The following DNAH5 variants were observed in gnomAD, a reference collection of about 807,000 sequenced individuals.
DNAH5 encodes the protein dynein axonemal heavy chain 5.
In DNAH5, 372 loss-of-function variants were observed where a neutral mutation model predicts 518.2. The observed-to-expected ratio is 0.72, with a 90% CI of 0.66 to 0.78. The LOEUF is 0.78. DNAH5 is among the 30% of genes least tolerant of loss of function. The probability of loss-of-function intolerance (pLI) is 0.00; values close to 1 mark genes in which losing one functional copy is unlikely to be tolerated. For synonymous variants in DNAH5, 2,039 were observed against 2,025.9 expected (o/e 1.01, Z -0.17); for missense variants, 5,523 against 5,687.0 (o/e 0.97, Z 0.93).
At chr5:13,748,388 T>C (rs2126676911) in intron 65 of DNAH5, among the ~76,000 whole-genome samples, 1 of 152,306 alleles carries the variant, frequency 6.6e-6, no homozygotes, top group Admixed American at 6.5e-5. Flanking sequence ...ATATGAACTT[T>C]AAAGTAGTTT....
rs755874851 is a variant in DNAH5 at position 13,735,306 on chromosome 5, C to A, written c.11586G>T (p.Pro3862=). 6.2e-7 allele frequency: 1 copy of A among 1,613,990 alleles called. No homozygotes were observed. The change falls in exon 68 of 79, where the codon CCG becomes CCT. Residue 3862 remains proline (P), a synonymous_variant. Transcript: ENST00000265104. ...DLSLARSVKS[P]ITSKRIANII... is the part of the protein sequence containing the mutation. The stretch of plus-strand genomic sequence containing the variant: ...TATTAGCAATCCTCTTGCTTGTAAT[C>A]GGGCTCTTGACAGACCTGGTGAATA...
At chr5:13,932,073 G>A (rs1440002061) in intron 1 of DNAH5, 4 of 152,292 alleles carry the variant, frequency 2.6e-5, no homozygotes, top group African/African-American at 9.6e-5. Flanking sequence ...CCACTGGGAA[G>A]AGGAAAAGTG....
chr5:13,792,994 C>T (rs1005260299), intron 49 of DNAH5, among the ~76,000 whole-genome samples: 3 of 152,298 alleles, frequency 2.0e-5, no homozygotes, highest in Admixed American at 6.5e-5. Context: ...AGTGATTGTT[C>T]GACTAAATTA....
chr5:13,964,280 C>T (rs183722467), intron 1 of DNAH5, among the ~76,000 whole-genome samples: 4 of 152,274 alleles, frequency 2.6e-5, no homozygotes, highest in African/African-American at 7.2e-5. Context: ...AGTACCAAAA[C>T]GGGCCTTTTG....
intron 1 of DNAH5, among the ~76,000 whole-genome samples, chr5:13,956,280 T>C (rs2152041256): frequency 6.6e-6 from 1 of 152,352 alleles, no homozygotes; most frequent in East Asian, 1.9e-4. Flanking sequence ...CTGGGATATT[T>C]TTTAAAATAA....
chr5:13,754,098 T>C (rs1460035189), intron 62 of DNAH5, 105 bp downstream of exon 62: 2 of 1,338,168 alleles, frequency 1.5e-6, no homozygotes, highest in Non-Finnish European at 1.1e-6. Flanking sequence ...TACATATGTA[T>C]ACATGCGCCA....
chr5:13,792,274 A>C, intron 49 of DNAH5, 57 bp from the exon 50 acceptor site: 1 of 1,485,374 alleles, frequency 6.7e-7, no homozygotes, highest in Non-Finnish European at 9.4e-7. Context: ...TTAAATGAAA[A>C]TGAAAAGCAT....
intron 1 of DNAH5, among the ~76,000 whole-genome samples, chr5:13,988,406 C>A (rs920668799): frequency 4.9e-5 from 7 of 142,766 alleles, no homozygotes; most frequent in Non-Finnish European, 7.6e-5. Flanking sequence ...TTATGAAAAC[C>A]AAAACACCAA....
At chr5:13,704,728 T>C (rs1693112101) in intron 76 of DNAH5, among the ~76,000 whole-genome samples, 1 of 152,182 alleles carries the variant, frequency 6.6e-6, no homozygotes. Context: ...TCCATAAATT[T>C]TGTCCCATCT....
At chr5:13,998,160 A>G (rs1178017630) in intron 1 of DNAH5, among the ~76,000 whole-genome samples, 1 of 152,132 alleles carries the variant, frequency 6.6e-6, no homozygotes, top group Non-Finnish European at 1.5e-5. Context: ...TCACAATTCT[A>G]GAGGCTGTAA....
rs927916607 is a variant in DNAH5, at chr5:13,771,996, G to A, written c.9374-1016C>T. Among the ~76,000 whole-genome samples the A allele has an allele frequency of 1.6e-4, 24 of 152,090 alleles. No individual in the cohort carries two copies. The East Asian group carries it at 2.1e-3, about 13-fold the overall frequency. On this transcript the variant is annotated intron_variant, in intron 55 of 78. Transcript: ENST00000265104. ...ATGTAAATAATAGAGACAATTCATCGGCTTCATTACAAAAACAGTTTACCA... is the reference window on the plus strand; with the variant it reads ...ATGTAAATAATAGAGACAATTCATCAGCTTCATTACAAAAACAGTTTACCA...
intron 61 of DNAH5, among the ~76,000 whole-genome samples, chr5:13,756,206 G>A (rs1233599816): frequency 6.6e-6 from 1 of 152,194 alleles, no homozygotes; most frequent in Non-Finnish European, 1.5e-5. Context: ...GGGCCATGGT[G>A]AACTGCAGAT....
chr5:13,759,036 CT>C, intron 60 of DNAH5, 53 bp from the exon 61 acceptor site: 1 of 1,611,094 alleles, frequency 6.2e-7, no homozygotes, highest in Middle Eastern at 1.7e-4. Context: ...TCAAAACATC[CT>C]GCATTTCAGG....
chr5:13,786,225 C>A lies in DNAH5; in HGVS notation c.8774G>T (p.Gly2925Val). 1 of 1,614,006 alleles carries A rather than the reference C, an allele frequency of 6.2e-7. No homozygotes were observed. Among genetic ancestry groups the A allele is most frequent in the Non-Finnish European group, 8.5e-7 (1 of 1,179,990 alleles). Reference sequence around the variant, plus strand: ...ATCTGCAAAGAACACCATGTCCATGCCGGCGCCACGGATGCTCTCATTATA... The same window carrying A: ...ATCTGCAAAGAACACCATGTCCATGACGGCGCCACGGATGCTCTCATTATA... ...QLYNESIRGA[G>V]MDMVFFADAM... The change falls in exon 52 of 79, where the codon GGC becomes GTC. Residue 2925 changes from glycine (G) to valine (V), a missense_variant. By Grantham distance (109) the Gly-to-Val change is moderately radical. Transcript: ENST00000265104.
In DNAH5 at chr5:13,857,404, G is replaced by C. The variant is rs369819806; in HGVS notation, c.4950+2048C>G. ...AAGAACATTCCATGCTCATGGATAG[G>C]AAGAATCAATATCATAAAAATGGCT... On this transcript the variant is annotated intron_variant, in intron 30 of 78. Transcript: ENST00000265104. Among the ~76,000 whole-genome samples the C allele has an allele frequency of 1.1e-4, 17 of 152,270 alleles. No individual in the cohort carries two copies. In the South Asian group the frequency reaches 3.3e-3, roughly 30 times the overall value.
chr5:13,975,844 C>T (rs531221804), intron 1 of DNAH5, among the ~76,000 whole-genome samples: 1 of 152,302 alleles, frequency 6.6e-6, no homozygotes, highest in South Asian at 2.1e-4. Flanking sequence ...TTTTGCTCCT[C>T]CAGTCAGCTA....
rs1224680596 is a variant in DNAH5, at chr5:13,758,972, C to T, written c.10293G>A (p.Val3431=). The T allele has an allele frequency of 6.2e-7, 1 of 1,614,152 alleles. No homozygotes were observed. The highest frequency in any genetic ancestry group is 2.2e-5 in the East Asian group (1 of 44,888). Residue 3431 remains valine, a synonymous_variant, in exon 61 of 79, where the codon GTG becomes GTA. Transcript: ENST00000265104. ...KEVLPLKANL[V]VQENRHLLAM... ...CCAGGAGATGGCGATTCTCTTGCACCACCAAGTTGGCCTGCACAGGACACA... is the reference window on the plus strand; with the variant it reads ...CCAGGAGATGGCGATTCTCTTGCACTACCAAGTTGGCCTGCACAGGACACA...
At chr5:13,968,879 G>T (rs114398100) in intron 1 of DNAH5, among the ~76,000 whole-genome samples, 1 of 151,978 alleles carries the variant, frequency 6.6e-6, no homozygotes, top group African/African-American at 2.4e-5. Context: ...AAATAGTGTC[G>T]ATAGGATTGA....
At chr5:13,952,851 T>C (rs1172498856) in intron 1 of DNAH5, among the ~76,000 whole-genome samples, 1 of 152,190 alleles carries the variant, frequency 6.6e-6, no homozygotes, top group East Asian at 1.9e-4. Context: ...GGTGCAATCA[T>C]AGCTCACTGC....
Sources: gnomAD v4.1 joint callset for allele counts (sites outside exome capture counted in the v4.1 genomes callset) on GRCh38, gnomAD v4.1.1 for gene constraint, MANE v1.5 for transcripts, NCBI Gene and HGNC (gene_info 2026-07-23, HGNC 2026-07-21) for gene names.